The following OTOG variants were observed in gnomAD, a reference collection of about 807,000 sequenced individuals.
The protein encoded by OTOG is otogelin.
A neutral mutation model predicts 313.8 loss-of-function variants in OTOG; 296 were observed. The ratio of observed to expected loss-of-function variants is 0.94; its 90% CI spans 0.86 to 1.04. The LOEUF is 1.04. Ranked by LOEUF, OTOG falls within the 50% of genes least tolerant of loss-of-function variation. OTOG has a pLI of 0.00. For missense variants in OTOG, 3,948 were observed against 3,840.1 expected, an observed-to-expected ratio of 1.03 and a Z score of -0.74; for synonymous variants, 1,533 against 1,554.9, an observed-to-expected ratio of 0.99 and a Z score of 0.33.
intron 8 of OTOG, 85 bp from the exon 9 acceptor site, chr11:17,558,090 CATCCCTTGGG>C: frequency 1.4e-6 from 2 of 1,431,562 alleles, no homozygotes; most frequent in Non-Finnish European, 1.9e-6. Flanking sequence ...ACTCCTTACC[CATCCCTTGGG>C]ATCCGCTTTC....
intron 39 of OTOG, among the ~76,000 whole-genome samples, chr11:17,627,523 A>G (rs2133696838): frequency 6.6e-6 from 1 of 152,248 alleles, no homozygotes; most frequent in Middle Eastern, 3.4e-3. Flanking sequence ...TTTTGCATCA[A>G]TATTTTTCAG....
chr11:17,609,524 G>A (rs1034419454), intron 35 of OTOG, 131 bp from the exon 36 acceptor site: 24 of 855,042 alleles, frequency 2.8e-5, no homozygotes, highest in Non-Finnish European at 4.1e-5. Context: ...CTGACATCTG[G>A]CCGTTAGAAG....
Position 17,593,613 on chromosome 11 carries a change from C to T in OTOG, c.3145C>T (p.Pro1049Ser), listed in dbSNP as rs1853007789. The change falls in exon 27 of 56, where the codon CCA (proline) becomes TCA (serine). Residue 1049 changes from proline to serine, a missense_variant. Physicochemically the swap from Pro to Ser is moderately conservative, Grantham distance 74 (BLOSUM62 -1). Coordinates refer to ENST00000399397, the MANE Select transcript of OTOG (RefSeq NM_001292063.2). Reference protein sequence around the residue: ...VFDDDSGNPSPESFLDDKQEV... With the variant: ...VFDDDSGNPSSESFLDDKQEV... Reference sequence around the variant, plus strand: ...CTGACCATCTCTGTCCCTCTAGAGTCCAGAGAGCTTCCTGGATGACAAGCA... The same window carrying T: ...CTGACCATCTCTGTCCCTCTAGAGTTCAGAGAGCTTCCTGGATGACAAGCA... The T allele has an allele frequency of 3.9e-6, 6 of 1,548,752 alleles. No individual in the cohort carries two copies. Among genetic ancestry groups the T allele is most frequent in the African/African-American group, 1.4e-5 (1 of 72,984 alleles).
chr11:17,608,395 G>C lies in OTOG; in HGVS notation c.4256G>C (p.Ser1419Thr). ...FQTCRDPRAA[S>T]CRDVPRVEGC... is the part of the protein sequence containing the mutation. The stretch of plus-strand genomic sequence containing the variant: ...ACCTGCCGGGACCCACGGGCAGCCA[G>C]CTGCCGGGACGTACCCAGGTGAGAT... The change falls in exon 34 of 56, where the codon AGC (serine) becomes ACC (threonine). Residue 1419 changes from serine to threonine, a missense_variant. Physicochemically the swap from Ser to Thr is moderately conservative, Grantham distance 58. Coordinates refer to ENST00000399397, the MANE Select transcript of OTOG (RefSeq NM_001292063.2). 1 of 1,543,632 alleles carries C rather than the reference G, an allele frequency of 6.5e-7. No individual in the cohort carries two copies.
chr11:17,572,496 C>G (rs1473191608), intron 18 of OTOG, among the ~76,000 whole-genome samples: 1 of 152,192 alleles, frequency 6.6e-6, no homozygotes, highest in East Asian at 1.9e-4. Flanking sequence ...CCTCTCTGCC[C>G]ATGCCCCCCT....
chr11:17,577,824 G>A (rs993053676), intron 22 of OTOG, among the ~76,000 whole-genome samples: 1 of 152,160 alleles, frequency 6.6e-6, no homozygotes, highest in South Asian at 2.1e-4. Flanking sequence ...CTCACGCAGT[G>A]TGAATGTGCG....
Position 17,621,891 on chromosome 11 carries a change from G to A in OTOG, c.6529-7242G>A, listed in dbSNP as rs181082563. On this transcript the variant is annotated intron_variant, in intron 39 of 55. Coordinates refer to ENST00000399397, the MANE Select transcript of OTOG (RefSeq NM_001292063.2). Reference sequence around the variant, plus strand: ...TTGTTTGATCATTTAAGGCAAGAGGGTAAATCCAGTTCCTATTACTCCACC... The same window carrying A: ...TTGTTTGATCATTTAAGGCAAGAGGATAAATCCAGTTCCTATTACTCCACC... 4.2e-3 allele frequency among the ~76,000 whole-genome samples: 639 copies of A among 152,312 alleles called. 3 individuals carry two copies. Among genetic ancestry groups the A allele is most frequent in the African/African-American group, 0.015 (615 of 41,556 alleles).
chr11:17,571,583 G>A (rs891155386), intron 17 of OTOG, among the ~76,000 whole-genome samples: 40 of 152,192 alleles, frequency 2.6e-4, no homozygotes, highest in African/African-American at 9.4e-4. Flanking sequence ...CATGGAGAAA[G>A]GGGGAGGAAA....
At position 17,570,437 on chromosome 11, in the gene OTOG, C is replaced by T. The variant is rs1052643476; in HGVS notation, c.1955+47C>T. On this transcript the variant is annotated intron_variant, in intron 17 of 55. Coordinates refer to ENST00000399397, the MANE Select transcript of OTOG (RefSeq NM_001292063.2). ...CCCGAAGAAGAGGGGAAATGGGCCC[C>T]TTAGGGCTGGGTATCTAGAGGCACT... 1.4e-5 allele frequency: 21 copies of T among 1,536,550 alleles called. No homozygotes were observed. The African/African-American group carries it at 1.5e-4, about 11-fold the overall frequency.
At chr11:17,570,561 C>T (rs777011261) in intron 17 of OTOG, 171 bp downstream of exon 17, 24 of 657,682 alleles carry the variant, frequency 3.6e-5, no homozygotes, top group Non-Finnish European at 5.5e-5. Flanking sequence ...TTTAAAGCAG[C>T]GGTTCACAGT....
intron 54 of OTOG, among the ~76,000 whole-genome samples, chr11:17,644,728 G>C (rs1848039866): frequency 6.7e-6 from 1 of 149,942 alleles, no homozygotes; most frequent in South Asian, 2.1e-4. Flanking sequence ...ACAAATTCTG[G>C]AAGGGGCCTG....
chr11:17,556,261 C>T (rs914984977), intron 7 of OTOG, among the ~76,000 whole-genome samples: 9 of 152,156 alleles, frequency 5.9e-5, no homozygotes, highest in African/African-American at 1.9e-4. Flanking sequence ...ATTCGGAGTA[C>T]ACTTCCATTT....
In OTOG at chr11:17,608,322, C is replaced by A; in HGVS notation, c.4183C>A (p.Pro1395Thr). The change falls in exon 34 of 56, where the codon CCC (proline) becomes ACC (threonine). Residue 1395 changes from proline to threonine, a missense_variant. By Grantham distance (38) the Pro-to-Thr change is conservative. Transcript: ENST00000399397. The stretch of plus-strand genomic sequence containing the variant: ...TGCCAAGCCCTCGGGGGCTGCCTAC[C>A]CCATCTGCGAGTGGCGCTACGATGC... ...LDAKPSGAAY[P>T]ICEWRYDACA... 2.6e-6 allele frequency: 4 copies of A among 1,545,098 alleles called. 1 individual carries two copies. The South Asian group carries it at 4.8e-5, about 19-fold the overall frequency.
chr11:17,558,328 G>A lies in OTOG; in HGVS notation c.996+13G>A, dbSNP rs561148601. 9.0e-6 allele frequency: 14 copies of A among 1,550,436 alleles called. No individual in the cohort carries two copies. The East Asian group carries it at 1.2e-4, about 14-fold the overall frequency. On this transcript the variant is annotated intron_variant, in intron 9 of 55. Coordinates refer to ENST00000399397, the MANE Select transcript of OTOG (RefSeq NM_001292063.2). ...AGGAACCATGCAGGTCTGGAGCTTG[G>A]GGAGAAACTCCCCTACCCTAGAGCC...
intron 17 of OTOG, chr11:17,570,673 C>G (rs984090392): frequency 3.3e-6 from 1 of 300,456 alleles, no homozygotes; most frequent in Non-Finnish European, 6.2e-6. Context: ...TTTTGATAAG[C>G]ACCTCTAAGA....
chr11:17,552,000 C>T lies in OTOG; in HGVS notation c.217C>T (p.Gln73Ter), dbSNP rs1328822348. ...GDKATVVGGQ[Q>*]AEAPDSVAMS... ...GTTCTCTTCCTCCTGTCTTCACAAG[C>T]AGGCTGAAGCCCCAGACTCCGTGGC... The change falls in exon 4 of 56, where the codon CAG becomes TAG. Residue 73 changes from glutamine to a stop codon, truncating the protein, a stop_gained and splice_region_variant. Coordinates refer to ENST00000399397, the MANE Select transcript of OTOG (RefSeq NM_001292063.2). LOFTEE classifies it high-confidence loss of function. The T allele has an allele frequency of 6.4e-7, 1 of 1,550,412 alleles. No individual in the cohort carries two copies. The highest frequency in any genetic ancestry group is 2.0e-5 in the Admixed American group (1 of 50,998).
chr11:17,631,894 A>T lies in OTOG; in HGVS notation c.6905A>T (p.Asn2302Ile). The T allele has an allele frequency of 6.5e-7, 1 of 1,550,266 alleles. No homozygotes were observed. Among genetic ancestry groups the T allele is most frequent in the Non-Finnish European group, 8.7e-7 (1 of 1,146,998 alleles). ...DCSPCLRMVS[N>I]RTFSACHRFV... Reference sequence around the variant, plus strand: ...TCGCCCTGCCTTCGCATGGTGTCCAACCGCACCTTCAGTGCCTGCCACCGC... The same window carrying T: ...TCGCCCTGCCTTCGCATGGTGTCCATCCGCACCTTCAGTGCCTGCCACCGC... Residue 2302 changes from asparagine to isoleucine, a missense_variant, in exon 41 of 56, where the codon AAC becomes ATC. Asn to Ile is a moderately radical substitution (Grantham distance 149). Coordinates refer to ENST00000399397, the MANE Select transcript of OTOG (RefSeq NM_001292063.2).
chr11:17,590,097 T>C (rs1456645237), intron 24 of OTOG, among the ~76,000 whole-genome samples: 1 of 152,168 alleles, frequency 6.6e-6, no homozygotes, highest in African/African-American at 2.4e-5. Flanking sequence ...TCTCCCAATC[T>C]CATGGCTACA....
At chr11:17,565,052 T>C (rs1366726848) in intron 15 of OTOG, among the ~76,000 whole-genome samples, 1 of 152,226 alleles carries the variant, frequency 6.6e-6, no homozygotes, top group Non-Finnish European at 1.5e-5. Flanking sequence ...CCTTGACATC[T>C]TTGTTAAAAA....
Sources: allele counts gnomAD v4.1 joint callset (sites outside exome capture counted in the v4.1 genomes callset), GRCh38; gene constraint gnomAD v4.1.1; transcripts MANE v1.5; gene names NCBI Gene and HGNC (gene_info 2026-07-23, HGNC 2026-07-21).